GLRA1: variants seen among roughly 807,000 people sequenced by gnomAD.
The protein encoded by GLRA1 is glycine receptor alpha 1.
In GLRA1, 37 loss-of-function variants were observed where a neutral mutation model predicts 48.3. That is an observed-to-expected ratio of 0.77 (90% CI 0.59 to 1.01). GLRA1 has a LOEUF of 1.01. Ranked by LOEUF, GLRA1 falls within the 50% of genes least tolerant of loss-of-function variation. GLRA1 has a pLI of 0.00. For synonymous variants in GLRA1, 196 were observed against 210.7 expected, an observed-to-expected ratio of 0.93 and a Z score of 0.60; for missense variants, 427 against 571.0, an observed-to-expected ratio of 0.75 and a Z score of 2.57.
intron 6 of GLRA1, 82 bp downstream of exon 6, chr5:151,854,949 AGATCTGTTG>A: frequency 7.3e-7 from 1 of 1,371,908 alleles, no homozygotes; most frequent in South Asian, 1.2e-5. Context: ...AATCTTCATA[AGATCTGTTG>A]GATCAATGAT....
At chr5:151,857,915 G>T (rs906839635) in intron 4 of GLRA1, among the ~76,000 whole-genome samples, 13 of 152,250 alleles carry the variant, frequency 8.5e-5, no homozygotes, top group African/African-American at 2.9e-4. Flanking sequence ...AGGGTGCAGA[G>T]AGGGATAGGT....
intron 6 of GLRA1, among the ~76,000 whole-genome samples, chr5:151,852,126 A>T (rs1752928770): frequency 6.6e-6 from 1 of 152,160 alleles, no homozygotes; most frequent in South Asian, 2.1e-4. Context: ...CCTGCCCTTT[A>T]TAATCAAGCT....
chr5:151,845,890 A>T (rs1164350178), intron 7 of GLRA1, among the ~76,000 whole-genome samples: 1 of 152,242 alleles, frequency 6.6e-6, no homozygotes, highest in Non-Finnish European at 1.5e-5. Context: ...AAAGGAATGA[A>T]GTACTGATGC....
At chr5:151,921,947 C>T (rs180781386) in intron 1 of GLRA1, among the ~76,000 whole-genome samples, 4 of 152,274 alleles carry the variant, frequency 2.6e-5, no homozygotes, top group Admixed American at 2.6e-4. Context: ...CTTTCTAAGA[C>T]CCAGTTCCTC....
intron 7 of GLRA1, among the ~76,000 whole-genome samples, chr5:151,837,354 AC>A (rs1328579568): frequency 6.6e-6 from 1 of 152,230 alleles, no homozygotes; most frequent in Admixed American, 6.5e-5. Context: ...ATGCTTTTAC[AC>A]TGTTGGTGAG....
chr5:151,825,303 T>A lies in GLRA1; in HGVS notation c.1060-2340A>T, dbSNP rs965793236. Among the ~76,000 whole-genome samples the A allele has an allele frequency of 3.2e-3, 494 of 152,232 alleles. 8 individuals carry two copies. The highest frequency in any genetic ancestry group is 0.011 in the African/African-American group (476 of 41,530). Reference sequence around the variant, plus strand: ...GCTGGAGCTGGGGTGTTGTTCTATTTTTATTTTTATTTTTTATTTTAAACT... The same window carrying A: ...GCTGGAGCTGGGGTGTTGTTCTATTATTATTTTTATTTTTTATTTTAAACT... On this transcript the variant is annotated intron_variant, in intron 8 of 8. Coordinates refer to ENST00000274576, the MANE Select transcript of GLRA1 (RefSeq NM_000171.4).
chr5:151,855,933 G>T (rs985494875), intron 5 of GLRA1, among the ~76,000 whole-genome samples: 1 of 152,138 alleles, frequency 6.6e-6, no homozygotes, highest in African/African-American at 2.4e-5. Flanking sequence ...CCAATCACTT[G>T]CCGCCCTTTA....
intron 1 of GLRA1, among the ~76,000 whole-genome samples, chr5:151,904,247 C>T (rs893346403): frequency 2.6e-5 from 4 of 152,136 alleles, no homozygotes; most frequent in Admixed American, 6.5e-5. Context: ...GTCCTTTTTA[C>T]CCTGTACCTT....
chr5:151,851,265 G>T, intron 7 of GLRA1, 125 bp downstream of exon 7: 2 of 718,068 alleles, frequency 2.8e-6, no homozygotes, highest in East Asian at 2.7e-5. Flanking sequence ...GCAGGATCCT[G>T]CAAAGTATAG....
chr5:151,850,730 A>C, intron 7 of GLRA1: 1 of 1,066,062 alleles, frequency 9.4e-7, no homozygotes, highest in Non-Finnish European at 1.5e-6. Flanking sequence ...TCGGTGACAG[A>C]AGCCCTCATC....
intron 7 of GLRA1, among the ~76,000 whole-genome samples, chr5:151,832,208 A>ATT (rs1561547261): frequency 6.6e-6 from 1 of 152,248 alleles, no homozygotes; most frequent in Non-Finnish European, 1.5e-5. Flanking sequence ...CAGCACAAAA[A>ATT]GGCTGAAAAT....
At chr5:151,856,065 C>A (rs1183463505) in intron 5 of GLRA1, among the ~76,000 whole-genome samples, 1 of 152,216 alleles carries the variant, frequency 6.6e-6, no homozygotes, top group Non-Finnish European at 1.5e-5. Flanking sequence ...AGACATGGAA[C>A]AATGACCCTT....
intron 7 of GLRA1, among the ~76,000 whole-genome samples, chr5:151,839,862 G>A (rs1374102157): frequency 6.6e-6 from 1 of 152,108 alleles, no homozygotes; most frequent in Non-Finnish European, 1.5e-5. Flanking sequence ...GACTTCCCAG[G>A]TTTCAGAACT....
intron 7 of GLRA1, among the ~76,000 whole-genome samples, chr5:151,831,692 C>G (rs1434495380): frequency 6.6e-6 from 1 of 152,226 alleles, no homozygotes; most frequent in Non-Finnish European, 1.5e-5. Context: ...TGGGACAAAG[C>G]ACCTGGGGGA....
At chr5:151,851,248 A>G (rs2113342997) in intron 7 of GLRA1, 142 bp downstream of exon 7, 1 of 673,550 alleles carries the variant, frequency 1.5e-6, no homozygotes, top group Non-Finnish European at 2.7e-6. Flanking sequence ...AGAACCTGCA[A>G]AGATCTGCAG....
intron 1 of GLRA1, among the ~76,000 whole-genome samples, chr5:151,894,521 A>T (rs1042947653): frequency 6.6e-6 from 1 of 152,138 alleles, no homozygotes; most frequent in African/African-American, 2.4e-5. Flanking sequence ...GACGCCTCAG[A>T]GCCATCTTGT....
At chr5:151,901,505 C>T (rs1322774646) in intron 1 of GLRA1, among the ~76,000 whole-genome samples, 3 of 152,206 alleles carry the variant, frequency 2.0e-5, no homozygotes, top group Non-Finnish European at 4.4e-5. Flanking sequence ...CAGCATGCAT[C>T]CCACGAGTTG....
chr5:151,897,939 C>T (rs989975751), intron 1 of GLRA1, among the ~76,000 whole-genome samples: 8 of 152,134 alleles, frequency 5.3e-5, no homozygotes, highest in African/African-American at 1.9e-4. Flanking sequence ...TGTCCACCAC[C>T]TTTTGGTCAG....
chr5:151,835,722 C>A (rs1763559483), intron 7 of GLRA1, among the ~76,000 whole-genome samples: 1 of 152,190 alleles, frequency 6.6e-6, no homozygotes, highest in Non-Finnish European at 1.5e-5. Context: ...ATGATTATCT[C>A]AATAGATGCA....
Sources: gnomAD v4.1 joint callset for allele counts (sites outside exome capture counted in the v4.1 genomes callset) on GRCh38, gnomAD v4.1.1 for gene constraint, MANE v1.5 for transcripts, NCBI Gene and HGNC (gene_info 2026-07-23, HGNC 2026-07-21) for gene names.